Variants in PDZD2 observed in about 807,000 individuals in gnomAD.
PDZD2 encodes the protein PDZ domain containing 2.
A neutral mutation model predicts 220.7 loss-of-function variants in PDZD2; 90 were observed. The ratio of observed to expected loss-of-function variants is 0.41; its 90% CI spans 0.34 to 0.49. PDZD2 has a LOEUF of 0.49. Ranked by LOEUF, PDZD2 falls within the 20% of genes least tolerant of loss-of-function variation. The pLI is 0.28. For missense variants in PDZD2, 3,174 were observed against 3,608.5 expected (o/e 0.88, Z 3.08); for synonymous variants, 1,375 against 1,450.5 (o/e 0.95, Z 1.18).
intron 2 of PDZD2, among the ~76,000 whole-genome samples, chr5:31,860,806 A>G (rs1158410945): frequency 2.0e-5 from 3 of 152,188 alleles, no homozygotes; most frequent in Non-Finnish European, 2.9e-5. Context: ...ATTTGATGCT[A>G]TGACTTATCA....
At chr5:31,959,753 G>T (rs1428198535) in intron 2 of PDZD2, among the ~76,000 whole-genome samples, 1 of 152,168 alleles carries the variant, frequency 6.6e-6, no homozygotes, top group Non-Finnish European at 1.5e-5. Context: ...CCACAAATTG[G>T]ATGGCTTAAA....
intron 1 of PDZD2, among the ~76,000 whole-genome samples, chr5:31,762,692 T>C (rs1260920563): frequency 6.6e-6 from 1 of 152,170 alleles, no homozygotes; most frequent in Non-Finnish European, 1.5e-5. Flanking sequence ...ATGGAAGCCA[T>C]GTGTCATGGC....
chr5:31,643,721 A>G (rs1464476910), intron 1 of PDZD2, among the ~76,000 whole-genome samples: 1 of 152,240 alleles, frequency 6.6e-6, no homozygotes, highest in Non-Finnish European at 1.5e-5. Flanking sequence ...AAAGATGAAA[A>G]AACAGTCTCA....
At position 32,052,700 on chromosome 5, in the gene PDZD2, G is replaced by A. The variant is rs768229328; in HGVS notation, c.1755G>A (p.Ser585=). 33 of 1,613,890 alleles carry A rather than the reference G, an allele frequency of 2.0e-5. No individual in the cohort carries two copies. Among genetic ancestry groups the A allele is most frequent in the African/African-American group, 6.7e-5 (5 of 74,942 alleles). The change falls in exon 9 of 25, where the codon TCG becomes TCA. Residue 585 remains serine, a synonymous_variant. Coordinates refer to ENST00000438447, the MANE Select transcript of PDZD2 (RefSeq NM_178140.4). ...GGCTCATTCGGCCATCCGTCATCTCGATCATTGGGTTGTACAAAGAAAAAG... is the reference window on the plus strand; with the variant it reads ...GGCTCATTCGGCCATCCGTCATCTCAATCATTGGGTTGTACAAAGAAAAAG... ...PWRLIRPSVI[S]IIGLYKEKGK...
chr5:31,928,057 A>C (rs1212562201), intron 2 of PDZD2, among the ~76,000 whole-genome samples: 1 of 152,160 alleles, frequency 6.6e-6, no homozygotes, highest in African/African-American at 2.4e-5. Context: ...ATGGGGACTG[A>C]GTTAGGATGA....
chr5:31,954,892 G>A (rs896737133), intron 2 of PDZD2, among the ~76,000 whole-genome samples: 4 of 152,022 alleles, frequency 2.6e-5, no homozygotes, highest in Admixed American at 6.5e-5. Context: ...AGCCGAGATC[G>A]CGCCATTGCA....
chr5:31,711,312 G>C (rs998665157), intron 1 of PDZD2, among the ~76,000 whole-genome samples: 10 of 152,208 alleles, frequency 6.6e-5, no homozygotes, highest in Non-Finnish European at 2.9e-5. Context: ...AACATGTACT[G>C]TGCCCCGAGC....
chr5:31,844,116 T>G (rs1053680570), intron 2 of PDZD2: 6 of 152,292 alleles, frequency 3.9e-5, no homozygotes, highest in African/African-American at 1.4e-4. Flanking sequence ...CAATTCAGTG[T>G]TTCCTGAATG....
chr5:32,074,698 G>A (rs1303567568), intron 18 of PDZD2, 55 bp downstream of exon 18: 2 of 1,181,044 alleles, frequency 1.7e-6, no homozygotes, highest in Non-Finnish European at 2.4e-6. Flanking sequence ...ATGTGTGAGT[G>A]AAGATGGAGT....
chr5:31,751,842 G>A (rs1442703804), intron 1 of PDZD2, among the ~76,000 whole-genome samples: 3 of 151,980 alleles, frequency 2.0e-5, no homozygotes, highest in South Asian at 2.1e-4. Flanking sequence ...TTAAGATGCC[G>A]CCTCTGCCTC....
chr5:31,908,318 A>T (rs1174300324), intron 2 of PDZD2: 7 of 250,964 alleles, frequency 2.8e-5, no homozygotes, highest in African/African-American at 1.6e-4. Flanking sequence ...CCTAGAAGGC[A>T]GCGCCACTGG....
chr5:31,732,562 C>A (rs1017333561), intron 1 of PDZD2, among the ~76,000 whole-genome samples: 1 of 152,180 alleles, frequency 6.6e-6, no homozygotes, highest in Non-Finnish European at 1.5e-5. Flanking sequence ...GGCCCCACTG[C>A]CTGTGAACTT....
At chr5:31,824,684 GAA>G (rs61458710) in intron 2 of PDZD2, among the ~76,000 whole-genome samples, 15 of 140,120 alleles carry the variant, frequency 1.1e-4, no homozygotes, top group Non-Finnish European at 9.3e-5. Flanking sequence ...TGTCTAACCT[GAA>G]AAAAAAAAAA....
At chr5:31,808,928 G>A (rs1484499874) in intron 2 of PDZD2, among the ~76,000 whole-genome samples, 4 of 150,614 alleles carry the variant, frequency 2.7e-5, no homozygotes, top group South Asian at 2.1e-4. Context: ...GCAGTGAGCC[G>A]AGATCACACC....
chr5:31,908,628 C>A, intron 2 of PDZD2: 2 of 1,005,752 alleles, frequency 2.0e-6, no homozygotes, highest in East Asian at 3.4e-5. Flanking sequence ...AGAAATACAT[C>A]AAAGGTTACG....
chr5:31,902,554 CT>C (rs1447358632), intron 2 of PDZD2, among the ~76,000 whole-genome samples: 2 of 150,534 alleles, frequency 1.3e-5, no homozygotes, highest in African/African-American at 4.9e-5. Flanking sequence ...GCAATTTCAG[CT>C]CACTGCAACC....
intron 2 of PDZD2, among the ~76,000 whole-genome samples, chr5:31,871,889 G>A (rs1031451415): frequency 2.0e-5 from 3 of 151,922 alleles, no homozygotes; most frequent in African/African-American, 4.8e-5. Context: ...GCAGTGGTGC[G>A]AACACAGCTC....
chr5:31,907,572 A>C (rs1199700342), intron 2 of PDZD2, among the ~76,000 whole-genome samples: 1 of 152,226 alleles, frequency 6.6e-6, no homozygotes, highest in Non-Finnish European at 1.5e-5. Flanking sequence ...TAATAGCTAC[A>C]TGTAGTGGAT....
chr5:31,731,478 A>G (rs958557107), intron 1 of PDZD2, among the ~76,000 whole-genome samples: 5 of 152,142 alleles, frequency 3.3e-5, no homozygotes, highest in Admixed American at 2.6e-4. Context: ...GTCACTCGCT[A>G]TTGGCCCCTC....
Sources: allele counts gnomAD v4.1 joint callset (sites outside exome capture counted in the v4.1 genomes callset), GRCh38; gene constraint gnomAD v4.1.1; transcripts MANE v1.5; gene names NCBI Gene and HGNC (gene_info 2026-07-23, HGNC 2026-07-21).